Variants in ATP1B3 observed in about 807,000 individuals in gnomAD.
ATP1B3 encodes the protein ATPase Na+/K+ transporting subunit beta 3.
A neutral mutation model predicts 30.2 loss-of-function variants in ATP1B3; 10 were observed. The observed-to-expected ratio is 0.33, with a 90% CI of 0.20 to 0.56. ATP1B3 has a LOEUF of 0.56. ATP1B3 is among the 20% of genes least tolerant of loss of function. The pLI is 0.90. For synonymous variants in ATP1B3, 113 were observed against 117.0 expected, an observed-to-expected ratio of 0.97 and a Z score of 0.22; for missense variants, 238 against 336.7, an observed-to-expected ratio of 0.71 and a Z score of 2.29.
chr3:141,888,994 G>A (rs1933885158), intron 1 of ATP1B3, among the ~76,000 whole-genome samples: 1 of 152,104 alleles, frequency 6.6e-6, no homozygotes, highest in Non-Finnish European at 1.5e-5. Flanking sequence ...ACATGGCTGG[G>A]GAGGCTTCAG....
At chr3:141,920,526 C>CAAA (rs749751899) in intron 5 of ATP1B3, among the ~76,000 whole-genome samples, 1 of 148,162 alleles carries the variant, frequency 6.7e-6, no homozygotes. Context: ...GACTCTGTCT[C>CAAA]AAAAAAAAGA....
chr3:141,884,754 A>G (rs1192886353), intron 1 of ATP1B3, among the ~76,000 whole-genome samples: 1 of 152,212 alleles, frequency 6.6e-6, no homozygotes, highest in Non-Finnish European at 1.5e-5. Context: ...TTTGGGACTC[A>G]GACTGGCTCT....
chr3:141,891,891 C>CTTTT (rs72396246), intron 1 of ATP1B3, among the ~76,000 whole-genome samples: 2 of 117,928 alleles, frequency 1.7e-5, no homozygotes, highest in East Asian at 2.6e-4. Flanking sequence ...AATGTGGCCT[C>CTTTT]TTTTTTTTTT....
chr3:141,918,943 A>G (rs1172675575), intron 5 of ATP1B3: 6 of 152,166 alleles, frequency 3.9e-5, no homozygotes, highest in African/African-American at 1.4e-4. Flanking sequence ...TTAGTTGTGG[A>G]TTTTTTGTTT....
At chr3:141,902,230 A>T (rs1424703505) in intron 1 of ATP1B3, 5 of 1,282,184 alleles carry the variant, frequency 3.9e-6, no homozygotes, top group Non-Finnish European at 2.0e-6. Context: ...GCCACCTGGT[A>T]ATTGGGGGGG....
At chr3:141,894,285 T>C (rs1219138662) in intron 1 of ATP1B3, among the ~76,000 whole-genome samples, 1 of 152,078 alleles carries the variant, frequency 6.6e-6, no homozygotes, top group Admixed American at 6.6e-5. Context: ...TAAAATTTTT[T>C]TTACTTCAGT....
chr3:141,896,886 G>A (rs538204801), intron 1 of ATP1B3, among the ~76,000 whole-genome samples: 5 of 152,238 alleles, frequency 3.3e-5, no homozygotes, highest in African/African-American at 1.2e-4. Flanking sequence ...TATTTTGAAT[G>A]TGTGATAATT....
intron 1 of ATP1B3, among the ~76,000 whole-genome samples, chr3:141,896,343 C>T (rs879914687): frequency 6.6e-6 from 1 of 151,908 alleles, no homozygotes; most frequent in South Asian, 2.1e-4. Context: ...TAAGAAGACC[C>T]CCTTCTGTAC....
At chr3:141,881,204 C>CAAAA (rs112675926) in intron 1 of ATP1B3, among the ~76,000 whole-genome samples, 2 of 117,262 alleles carry the variant, frequency 1.7e-5, no homozygotes, top group African/African-American at 3.0e-5. Flanking sequence ...ACTCCACCTC[C>CAAAA]AAAAAAAAAA....
At chr3:141,879,754 G>C (rs113329514) in intron 1 of ATP1B3, among the ~76,000 whole-genome samples, 1 of 124,864 alleles carries the variant, frequency 8.0e-6, no homozygotes, top group Non-Finnish European at 1.7e-5. Flanking sequence ...ACTCCAGCCT[G>C]GGCGACAAAG....
chr3:141,877,024 G>A, intron 1 of ATP1B3, 114 bp downstream of exon 1: 1 of 753,166 alleles, frequency 1.3e-6, no homozygotes, highest in Non-Finnish European at 1.9e-6. Context: ...GCTCCCGACC[G>A]CCCGACCCTA....
In ATP1B3 at chr3:141,912,342, C is replaced by T. The variant is rs139060948; in HGVS notation, c.347-1310C>T. 8.5e-3 allele frequency among the ~76,000 whole-genome samples: 1,293 copies of T among 152,108 alleles called. 12 individuals carry two copies. The highest frequency in any genetic ancestry group is 0.026 in the African/African-American group (1,070 of 41,468). ...CAGGCTGGAGTGCAGTGGCAACCTC[C>T]GCCCTCTGAGTTCAAGCGATTCTCC... On this transcript the variant is annotated intron_variant, in intron 3 of 6. Coordinates refer to ENST00000286371, the MANE Select transcript of ATP1B3 (RefSeq NM_001679.4).
At chr3:141,889,660 AG>A (rs1303657451) in intron 1 of ATP1B3, among the ~76,000 whole-genome samples, 1 of 148,320 alleles carries the variant, frequency 6.7e-6, no homozygotes, top group Non-Finnish European at 1.5e-5. Flanking sequence ...CGCAGGAGGC[AG>A]AGGTTGCAGT....
chr3:141,923,574 A>C (rs1395231292), intron 6 of ATP1B3, among the ~76,000 whole-genome samples: 1 of 152,238 alleles, frequency 6.6e-6, no homozygotes, highest in Non-Finnish European at 1.5e-5. Flanking sequence ...CAGAAAACAA[A>C]GACAGTAGTA....
intron 4 of ATP1B3, 63 bp downstream of exon 4, chr3:141,913,899 AT>A (rs959978373): frequency 6.9e-7 from 1 of 1,457,466 alleles, no homozygotes; most frequent in African/African-American, 1.4e-5. Context: ...GGAGGCAACT[AT>A]TTTTAGATTG....
intron 1 of ATP1B3, among the ~76,000 whole-genome samples, chr3:141,887,434 T>C (rs1933857437): frequency 6.6e-6 from 1 of 152,180 alleles, no homozygotes; most frequent in African/African-American, 2.4e-5. Context: ...CTTCCCTGGG[T>C]AACCCCCGTT....
intron 3 of ATP1B3, among the ~76,000 whole-genome samples, chr3:141,910,841 C>T (rs931342271): frequency 6.8e-6 from 1 of 147,554 alleles, no homozygotes; most frequent in African/African-American, 2.5e-5. Flanking sequence ...TGATGGAGTA[C>T]ATTCTCAAGT....
At chr3:141,896,969 T>C (rs1000572573) in intron 1 of ATP1B3, among the ~76,000 whole-genome samples, 3 of 152,166 alleles carry the variant, frequency 2.0e-5, no homozygotes, top group Non-Finnish European at 4.4e-5. Flanking sequence ...GTAGCCTGTA[T>C]AGCCAAGAGC....
At chr3:141,898,596 A>T (rs1371945072) in intron 1 of ATP1B3, among the ~76,000 whole-genome samples, 2 of 152,244 alleles carry the variant, frequency 1.3e-5, no homozygotes, top group African/African-American at 2.4e-5. Context: ...AAACACAGTA[A>T]AAGAAGTGTT....
Sources: allele counts gnomAD v4.1 joint callset (sites outside exome capture counted in the v4.1 genomes callset), GRCh38; gene constraint gnomAD v4.1.1; transcripts MANE v1.5; gene names NCBI Gene and HGNC (gene_info 2026-07-23, HGNC 2026-07-21).